GNAI3: variants seen among roughly 807,000 people sequenced by gnomAD.
GNAI3 encodes G protein subunit alpha i3.
GNAI3 carries 12 observed loss-of-function variants against 41.8 expected under a neutral mutation model. That is an observed-to-expected ratio of 0.29 (90% CI 0.18 to 0.47). The LOEUF is 0.47. Ranked by LOEUF, GNAI3 falls within the 20% of genes least tolerant of loss-of-function variation. The probability of loss-of-function intolerance (pLI) is 1.00; values close to 1 mark genes in which losing one functional copy is unlikely to be tolerated. For missense variants in GNAI3, 360 were observed against 429.6 expected, an observed-to-expected ratio of 0.84 and a Z score of 1.43; for synonymous variants, 132 against 146.5, an observed-to-expected ratio of 0.90 and a Z score of 0.71.
At chr1:109,568,592 T>C (rs901717128) in intron 1 of GNAI3, among the ~76,000 whole-genome samples, 1 of 152,120 alleles carries the variant, frequency 6.6e-6, no homozygotes, top group African/African-American at 2.4e-5. Context: ...GTAAATACAG[T>C]GATTCTACAT....
intron 5 of GNAI3, 46 bp from the exon 6 acceptor site, chr1:109,586,170 G>A (rs1468096678): frequency 1.9e-6 from 3 of 1,587,756 alleles, no homozygotes; most frequent in East Asian, 2.3e-5. Flanking sequence ...TTAGGGGAAG[G>A]TGTATGTGTG....
Position 109,595,107 on chromosome 1 carries a change from A to C in GNAI3, c.*2785A>C, listed in dbSNP as rs1456772076. On this transcript the variant is annotated 3_prime_UTR_variant, in exon 9 of 9. Transcript: ENST00000369851. ...GGCATTTGTAATCAAAGAAGCTGAAAGTTGCCTTGTGTGTTTCCTCTGAAG... is the reference window on the plus strand; with the variant it reads ...GGCATTTGTAATCAAAGAAGCTGAACGTTGCCTTGTGTGTTTCCTCTGAAG... The C allele has an allele frequency of 1.3e-5, 2 of 152,242 alleles. No individual in the cohort carries two copies. Among genetic ancestry groups the C allele is most frequent in the African/African-American group, 4.8e-5 (2 of 41,460 alleles). The allele number at this position is 152,242 out of a possible 1,614,324, so 9.4% of individuals were successfully genotyped here. A position where few individuals can be genotyped will look rare whatever the true frequency, so the allele number is the denominator to read the frequency against.
intron 1 of GNAI3, among the ~76,000 whole-genome samples, chr1:109,555,959 CGTGCGTGTGT>C (rs1362125376): frequency 2.1e-5 from 2 of 96,784 alleles, no homozygotes; most frequent in Non-Finnish European, 2.1e-5. Flanking sequence ...GGAGTGCGTG[CGTGCGTGTGT>C]GTGTGTGTGT....
chr1:109,566,775 C>G (rs1321803909), intron 1 of GNAI3, among the ~76,000 whole-genome samples: 2 of 152,150 alleles, frequency 1.3e-5, no homozygotes, highest in Non-Finnish European at 2.9e-5. Context: ...GTTGGCCAGG[C>G]TGGTCTCGAA....
chr1:109,566,936 C>T (rs879906064), intron 1 of GNAI3, among the ~76,000 whole-genome samples: 9 of 152,104 alleles, frequency 5.9e-5, no homozygotes, highest in Admixed American at 3.3e-4. Flanking sequence ...AGGAATCAAC[C>T]GGGAGCAGTA....
At chr1:109,569,938 C>T (rs1331088586) in intron 1 of GNAI3, among the ~76,000 whole-genome samples, 1 of 151,830 alleles carries the variant, frequency 6.6e-6, no homozygotes, top group African/African-American at 2.4e-5. Context: ...ATGTGGTTTT[C>T]AATATATAAA....
intron 1 of GNAI3, among the ~76,000 whole-genome samples, chr1:109,572,346 G>A (rs1035092578): frequency 6.6e-6 from 1 of 152,176 alleles, no homozygotes; most frequent in African/African-American, 2.4e-5. Context: ...AAACTGGAGA[G>A]AGGAGATTGA....
intron 5 of GNAI3, 59 bp downstream of exon 5, chr1:109,582,624 A>G: frequency 7.9e-7 from 1 of 1,263,078 alleles, no homozygotes; most frequent in South Asian, 1.2e-5. Flanking sequence ...ATTTTAGTTT[A>G]CCATCTCTTA....
intron 1 of GNAI3, among the ~76,000 whole-genome samples, chr1:109,571,694 G>A (rs1033810464): frequency 2.6e-5 from 4 of 152,170 alleles, no homozygotes; most frequent in Non-Finnish European, 5.9e-5. Flanking sequence ...GAGGCAGGTG[G>A]ATCGCTTGAG....
At chr1:109,591,765 A>AT (rs1217972643) in intron 7 of GNAI3, 11 of 371,916 alleles carry the variant, frequency 3.0e-5, no homozygotes, top group Admixed American at 4.2e-5. Flanking sequence ...TACTTTCTAG[A>AT]TTTTTTTAGC....
chr1:109,580,618 G>A (rs1052831464), intron 4 of GNAI3, among the ~76,000 whole-genome samples: 3 of 152,148 alleles, frequency 2.0e-5, no homozygotes, highest in African/African-American at 7.2e-5. Context: ...ATATGGTATA[G>A]CCTGTTGCTC....
chr1:109,585,108 G>A (rs1386178711), intron 5 of GNAI3, among the ~76,000 whole-genome samples: 1 of 152,188 alleles, frequency 6.6e-6, no homozygotes, highest in African/African-American at 2.4e-5. Flanking sequence ...TGGAAATGTA[G>A]GCCTCTAGTC....
rs556355879 is a variant in GNAI3, at chr1:109,558,070, G to A, written c.118+9232G>A. The stretch of plus-strand genomic sequence containing the variant: ...TACTTTCTCATTAGTTCATGAGAAC[G>A]TGCCTGCTCATTCTCAATATTACCA... On this transcript the variant is annotated intron_variant, in intron 1 of 8. Coordinates refer to ENST00000369851, the MANE Select transcript of GNAI3 (RefSeq NM_006496.4). 4.6e-5 allele frequency among the ~76,000 whole-genome samples: 7 copies of A among 152,222 alleles called. No individual in the cohort carries two copies. The South Asian group carries it at 8.3e-4, about 18-fold the overall frequency.
chr1:109,564,826 A>G (rs989628717), intron 1 of GNAI3, among the ~76,000 whole-genome samples: 8 of 152,210 alleles, frequency 5.3e-5, no homozygotes, highest in Admixed American at 5.2e-4. Context: ...TAATATGTCA[A>G]TTAAGTTTTA....
chr1:109,578,559 C>T (rs1192782829), intron 3 of GNAI3, among the ~76,000 whole-genome samples: 2 of 151,816 alleles, frequency 1.3e-5, no homozygotes, highest in Non-Finnish European at 2.9e-5. Context: ...CCTCCTGCTC[C>T]CTTCCTTTCC....
At chr1:109,563,314 G>T (rs2101094169) in intron 1 of GNAI3, among the ~76,000 whole-genome samples, 1 of 152,328 alleles carries the variant, frequency 6.6e-6, no homozygotes, top group Non-Finnish European at 1.5e-5. Context: ...CCTGGGGCGG[G>T]GCAGAGGTTG....
intron 4 of GNAI3, among the ~76,000 whole-genome samples, chr1:109,581,479 G>A (rs1032918324): frequency 6.6e-6 from 1 of 152,106 alleles, no homozygotes; most frequent in African/African-American, 2.4e-5. Context: ...ATATTATACA[G>A]TACACAGTTG....
chr1:109,570,601 G>A (rs926000501), intron 1 of GNAI3, among the ~76,000 whole-genome samples: 8 of 152,198 alleles, frequency 5.3e-5, no homozygotes, highest in Middle Eastern at 3.2e-3. Flanking sequence ...CTGTGAGGAA[G>A]AAAATCTTGC....
intron 1 of GNAI3, among the ~76,000 whole-genome samples, chr1:109,554,978 G>C (rs558837104): frequency 1.4e-4 from 22 of 152,080 alleles, no homozygotes; most frequent in Non-Finnish European, 3.1e-4. Flanking sequence ...TGACCAAGAA[G>C]GTGAAACACC....
Sources: gnomAD v4.1 joint callset for allele counts (sites outside exome capture counted in the v4.1 genomes callset) on GRCh38, gnomAD v4.1.1 for gene constraint, MANE v1.5 for transcripts, NCBI Gene and HGNC (gene_info 2026-07-23, HGNC 2026-07-21) for gene names.